ANGEL1: variants seen among roughly 807,000 people sequenced by gnomAD.
ANGEL1 encodes the protein RNA 2',3'-cyclic phosphatase ANGEL1.
In ANGEL1, 62 loss-of-function variants were observed where a neutral mutation model predicts 76.4. That is an observed-to-expected ratio of 0.81 (90% confidence interval 0.66 to 1.00). ANGEL1 has a LOEUF of 1.00. ANGEL1 is among the 50% of genes least tolerant of loss of function. The pLI is 0.00. For synonymous variants in ANGEL1, 340 were observed against 331.7 expected, an observed-to-expected ratio of 1.03 and a Z score of -0.27; for missense variants, 737 against 836.7, an observed-to-expected ratio of 0.88 and a Z score of 1.47.
intron 5 of ANGEL1, chr14:76,804,167 G>A: frequency 7.0e-7 from 1 of 1,419,898 alleles, no homozygotes; most frequent in African/African-American, 1.4e-5. Flanking sequence ...GAATCGAATA[G>A]TATGAACATG....
chr14:76,801,944 G>A (rs1392984318), intron 7 of ANGEL1, among the ~76,000 whole-genome samples: 1 of 152,002 alleles, frequency 6.6e-6, no homozygotes, highest in Non-Finnish European at 1.5e-5. Context: ...ACTGCCTGAG[G>A]TCAGGAGTTC....
intron 5 of ANGEL1, chr14:76,804,198 C>G: frequency 1.4e-6 from 2 of 1,411,112 alleles, no homozygotes. Flanking sequence ...AATTTTACCT[C>G]TGAAAAATCA....
intron 3 of ANGEL1, 142 bp downstream of exon 3, chr14:76,807,778 ACT>A: frequency 1.1e-6 from 1 of 885,486 alleles, no homozygotes; most frequent in Non-Finnish European, 1.7e-6. Context: ...CCAACAACTC[ACT>A]GACACCAGGC....
intron 3 of ANGEL1, 32 bp from the exon 4 acceptor site, chr14:76,807,534 A>G (rs1367538732): frequency 1.2e-6 from 2 of 1,608,218 alleles, no homozygotes; most frequent in African/African-American, 1.3e-5. Flanking sequence ...CAATCACTCC[A>G]GAGTGCTGGA....
intron 7 of ANGEL1, among the ~76,000 whole-genome samples, chr14:76,793,732 C>G (rs898107591): frequency 1.3e-5 from 2 of 151,608 alleles, no homozygotes; most frequent in Admixed American, 6.6e-5. Flanking sequence ...GGATACATAC[C>G]GAGTCCCCCA....
Position 76,803,445 on chromosome 14 carries a change from A to C in ANGEL1, c.1544T>G (p.Phe515Cys), listed in dbSNP as rs2075773. 0.11 allele frequency: 181,281 copies of C among 1,613,824 alleles called. 11,176 individuals are homozygous for C. Among genetic ancestry groups the C allele is most frequent in the East Asian group, 0.25 (11,273 of 44,864 alleles). Residue 515 changes from phenylalanine to cysteine, a missense_variant, in exon 7 of 10, where the codon TTC becomes TGC. Around this residue, in one of 2 missense-constraint regions of ANGEL1, gnomAD observed 296 missense variants for 387.2 expected, o/e 0.76. Transcript: ENST00000251089. ...CTGACAAGCGATGCTGCAGAAGCGG[A>C]AACGTAGCAGGAAGTCTCGGCCATA... ...RKYGRDFLLR[F>C]RFCSIACQRP...
At chr14:76,803,736 C>A (rs1413194570) in intron 6 of ANGEL1, 50 bp downstream of exon 6, 1 of 1,557,264 alleles carries the variant, frequency 6.4e-7, no homozygotes, top group Non-Finnish European at 8.7e-7. Context: ...CAGCTTTCTC[C>A]CAAAATGGGC....
chr14:76,799,059 G>A (rs2140218243), intron 7 of ANGEL1, among the ~76,000 whole-genome samples: 1 of 151,940 alleles, frequency 6.6e-6, no homozygotes, highest in Admixed American at 6.6e-5. Flanking sequence ...GTCAGCTTAT[G>A]GGAAAATCAA....
rs139100727 is a variant in ANGEL1, at chr14:76,809,637, A to G, written c.71T>C (p.Phe24Ser). Residue 24 changes from phenylalanine (F) to serine (S), a missense_variant, in exon 2 of 10, where the codon TTC becomes TCC. This residue lies in a region of ANGEL1 where 441 missense variants were observed against 449.5 expected (regional missense o/e 0.98). Transcript: ENST00000251089. ...AAGGACATTTTTTCGACATGTGAAG[A>G]AAGCATCTAGGAGGAAAGCCAAAAT... is the stretch of plus-strand genomic sequence containing the variant. ...TRLFRALSDA[F>S]FTCRKNVLLA... The G allele has an allele frequency of 2.5e-3, 4,065 of 1,612,600 alleles. 17 individuals are homozygous for G. The highest frequency in any genetic ancestry group is 4.8e-3 in the South Asian group (435 of 91,016).
At position 76,791,340 on chromosome 14, in the gene ANGEL1, C is replaced by G; in HGVS notation, c.1645G>C (p.Val549Leu). 1.9e-6 allele frequency: 3 copies of G among 1,614,080 alleles called. No individual in the cohort carries two copies. The highest frequency in any genetic ancestry group is 2.5e-6 in the Non-Finnish European group (3 of 1,179,994). The change falls in exon 8 of 10, where the codon GTC becomes CTC. Residue 549 changes from valine (V) to leucine (L), a missense_variant. Around this residue, in one of 2 missense-constraint regions of ANGEL1, gnomAD observed 296 missense variants for 387.2 expected, o/e 0.76. Transcript: ENST00000251089. ...AGCTCCGATGCATCTTCCTCAAGGACAGACTCAGCCCAACCCGCAGGTCGC... is the reference window on the plus strand; with the variant it reads ...AGCTCCGATGCATCTTCCTCAAGGAGAGACTCAGCCCAACCCGCAGGTCGC... ...PERPAGWAES[V>L]LEEDASELEP... is the part of the protein sequence containing the mutation.
At chr14:76,797,033 G>A (rs1454245891) in intron 7 of ANGEL1, among the ~76,000 whole-genome samples, 7 of 152,098 alleles carry the variant, frequency 4.6e-5, no homozygotes, top group Admixed American at 3.3e-4. Context: ...CACTGCTCTG[G>A]CAGTTATACA....
At chr14:76,808,299 G>T in intron 2 of ANGEL1, 151 bp from the exon 3 acceptor site, 1 of 688,138 alleles carries the variant, frequency 1.5e-6, no homozygotes, top group Non-Finnish European at 2.4e-6. Flanking sequence ...TGATTTCTAT[G>T]GACATTCTTC....
At position 76,786,639 on chromosome 14, in the gene ANGEL1, T is replaced by C. The variant is rs1894269633; in HGVS notation, c.*2589A>G. The C allele has an allele frequency of 6.6e-6, 1 of 152,108 alleles. No homozygotes were observed. The allele number at this position is 152,108 out of a possible 1,614,324, so 9.4% of individuals were successfully genotyped here. On this transcript the variant is annotated 3_prime_UTR_variant, in exon 10 of 10. Coordinates refer to ENST00000251089, the MANE Select transcript of ANGEL1 (RefSeq NM_015305.4). ...CCAGATCTGGTTTCAGGGCTCCCAG[T>C]GGGCATGTGGGCTTGGCTGGTCTTA...
intron 1 of ANGEL1, 66 bp downstream of exon 1, chr14:76,812,698 G>GCCCGCGGAGC: frequency 6.9e-7 from 1 of 1,446,920 alleles, no homozygotes; most frequent in Admixed American, 2.5e-5. Context: ...GCCGCCCCAG[G>GCCCGCGGAGC]CCCGCGGAGC....
At chr14:76,806,116 G>C (rs548172038) in intron 5 of ANGEL1, among the ~76,000 whole-genome samples, 1 of 152,226 alleles carries the variant, frequency 6.6e-6, no homozygotes, top group Admixed American at 6.5e-5. Flanking sequence ...GGGAATGTGG[G>C]TAATAAAACA....
intron 7 of ANGEL1, among the ~76,000 whole-genome samples, chr14:76,797,166 G>A (rs1484773901): frequency 6.6e-6 from 1 of 152,216 alleles, no homozygotes; most frequent in Non-Finnish European, 1.5e-5. Context: ...TCCTCTGCAA[G>A]AACTTGGGAA....
chr14:76,804,259 A>C, intron 5 of ANGEL1: 1 of 1,351,778 alleles, frequency 7.4e-7, no homozygotes, highest in Non-Finnish European at 9.5e-7. Flanking sequence ...TTTAAGTTGC[A>C]ATGGTTAAAG....
chr14:76,799,228 G>T lies in ANGEL1; in HGVS notation c.1618+4143C>A, dbSNP rs937971507. 2.1e-4 allele frequency among the ~76,000 whole-genome samples: 27 copies of T among 130,104 alleles called. No individual in the cohort carries two copies. The Middle Eastern group carries it at 0.022, about 105-fold the overall frequency. 85.4% of individuals were successfully genotyped at this position (130,104 alleles called of 152,430 possible). A position where few individuals can be genotyped will look rare whatever the true frequency, so the allele number is the denominator to read the frequency against. On this transcript the variant is annotated intron_variant, in intron 7 of 9. Transcript: ENST00000251089. ...TTAGCATATCTAATCAGAGCCTCTA[G>T]AAAAATGAACTCACACACTAAGATC...
chr14:76,810,952 T>A (rs1275158198), intron 1 of ANGEL1, among the ~76,000 whole-genome samples: 1 of 152,258 alleles, frequency 6.6e-6, no homozygotes, highest in East Asian at 1.9e-4. Context: ...TGGCAATTTT[T>A]TTTTAAAGGG....
Sources: gnomAD v4.1 joint callset for allele counts (sites outside exome capture counted in the v4.1 genomes callset) on GRCh38, gnomAD v4.1.1 for gene constraint, gnomAD v4.1.1 regional missense constraint, MANE v1.5 for transcripts, NCBI Gene and HGNC (gene_info 2026-07-23, HGNC 2026-07-21) for gene names.